Variants in DPYD observed in about 807,000 individuals in gnomAD.
DPYD encodes the protein dihydropyrimidine dehydrogenase [NADP(+)].
Under a neutral mutation model 116.2 loss-of-function variants are expected in DPYD, and 109 were observed. That is an observed-to-expected ratio of 0.94 (90% CI 0.80 to 1.10). DPYD has a LOEUF of 1.10. Ranked by LOEUF, DPYD falls within the 50% of genes least tolerant of loss-of-function variation. The pLI, the probability that DPYD is intolerant of heterozygous loss-of-function variation, is 0.00. For synonymous variants in DPYD, 440 were observed against 432.0 expected (o/e 1.02, Z -0.23); for missense variants, 1,302 against 1,254.5 (o/e 1.04, Z -0.57).
intron 2 of DPYD, 40 bp from the exon 3 acceptor site, chr1:97,828,236 C>G: frequency 6.3e-7 from 1 of 1,591,340 alleles, no homozygotes; most frequent in South Asian, 1.1e-5. Context: ...CTCTAAGATC[C>G]TGAGAAAAAT....
intron 20 of DPYD, among the ~76,000 whole-genome samples, chr1:97,171,709 T>C (rs548138205): frequency 1.3e-5 from 2 of 152,288 alleles, no homozygotes; most frequent in East Asian, 3.9e-4. Context: ...ATAACAACCA[T>C]TGAAGGTTTT....
intron 14 of DPYD, among the ~76,000 whole-genome samples, chr1:97,411,800 G>T (rs1213317817): frequency 6.6e-6 from 1 of 152,162 alleles, no homozygotes. Context: ...TTTTCAAAGT[G>T]ATTGGAACCT....
At chr1:97,765,245 A>C (rs1665785446) in intron 3 of DPYD, among the ~76,000 whole-genome samples, 1 of 152,202 alleles carries the variant, frequency 6.6e-6, no homozygotes. Flanking sequence ...GTTTTGGGGA[A>C]GGAAATGCTT....
In DPYD at chr1:97,480,263, AC is replaced by A. The variant is rs1405544438; in HGVS notation, c.1741-30041del. On this transcript the variant is annotated intron_variant, in intron 13 of 22. Coordinates refer to ENST00000370192, the MANE Select transcript of DPYD (RefSeq NM_000110.4). ...AACTGAGAAAAAAAAGAAATATGCC[AC>A]ATGGAGAGTGGCATAAAGTAATTTG... Among the ~76,000 whole-genome samples, 4 of 152,218 alleles carry A rather than the reference AC, an allele frequency of 2.6e-5. No homozygotes were observed. The East Asian group carries it at 7.7e-4, about 29-fold the overall frequency.
At chr1:97,451,279 C>G (rs1449751344) in intron 13 of DPYD, among the ~76,000 whole-genome samples, 1 of 152,084 alleles carries the variant, frequency 6.6e-6, no homozygotes, top group African/African-American at 2.4e-5. Context: ...TAGTGCTGAT[C>G]TGCATATGTT....
intron 3 of DPYD, among the ~76,000 whole-genome samples, chr1:97,804,124 T>C (rs1194392176): frequency 6.6e-6 from 1 of 151,788 alleles, no homozygotes; most frequent in Non-Finnish European, 1.5e-5. Context: ...GTTGTTATAT[T>C]AAACGTTATT....
intron 18 of DPYD, among the ~76,000 whole-genome samples, chr1:97,250,201 C>T (rs12137174): frequency 0.11 from 16,305 of 151,822 alleles, 1,126 homozygotes; most frequent in South Asian, 0.25. Context: ...ACATGGGAGA[C>T]GGAGGTTGCA....
chr1:97,260,110 T>C (rs186878696), intron 18 of DPYD, among the ~76,000 whole-genome samples: 5 of 152,262 alleles, frequency 3.3e-5, no homozygotes, highest in African/African-American at 9.6e-5. Flanking sequence ...CTTCTGAAGT[T>C]GGCAACATGT....
chr1:97,679,079 A>G lies in DPYD; in HGVS notation c.850+16T>C. 7.9e-7 allele frequency: 1 copy of G among 1,266,002 alleles called. No individual in the cohort carries two copies. The highest frequency in any genetic ancestry group is 1.1e-6 in the Non-Finnish European group (1 of 907,444). The allele number at this position is 1,266,002 out of a possible 1,614,324, so 78.4% of individuals were successfully genotyped here. A position where few individuals can be genotyped will look rare whatever the true frequency, so the allele number is the denominator to read the frequency against. On this transcript the variant is annotated intron_variant, in intron 8 of 22. Transcript: ENST00000370192. ...AATACATTATAAATAAATATATTTA[A>G]GAGTAAACTACTCACCTATTCCAAT...
chr1:97,120,027 G>C (rs1165508543), intron 20 of DPYD, among the ~76,000 whole-genome samples: 1 of 152,114 alleles, frequency 6.6e-6, no homozygotes, highest in African/African-American at 2.4e-5. Context: ...GGAGAGGCAG[G>C]GTTGGCTCCA....
chr1:97,392,990 A>T (rs1672797900), intron 14 of DPYD, among the ~76,000 whole-genome samples: 1 of 152,012 alleles, frequency 6.6e-6, no homozygotes, highest in Non-Finnish European at 1.5e-5. Context: ...CCAGACCACT[A>T]AAATGTTATC....
chr1:97,223,095 T>A (rs1013973936), intron 19 of DPYD, among the ~76,000 whole-genome samples: 7 of 152,108 alleles, frequency 4.6e-5, no homozygotes, highest in African/African-American at 1.7e-4. Flanking sequence ...TGCATCCATC[T>A]GCACTCAAGT....
intron 16 of DPYD, among the ~76,000 whole-genome samples, chr1:97,310,297 A>T (rs563183629): frequency 6.6e-6 from 1 of 151,886 alleles, no homozygotes; most frequent in Admixed American, 6.6e-5. Context: ...GGGGCCCAGA[A>T]GATCAATCTG....
Position 97,721,540 on chromosome 1 carries a change from A to G in DPYD, c.453T>C (p.Asn151=). 6.2e-7 allele frequency: 1 copy of G among 1,611,628 alleles called. No individual in the cohort carries two copies. Among genetic ancestry groups the G allele is most frequent in the Non-Finnish European group, 8.5e-7 (1 of 1,178,302 alleles). Reference sequence around the variant, plus strand: ...TAGCAAATTGCTGCAATCCACCAATATTAATGGGTCCCTCTTCAGTGGCAT... The same window carrying G: ...TAGCAAATTGCTGCAATCCACCAATGTTAATGGGTCCCTCTTCAGTGGCAT... ...NLYATEEGPI[N]IGGLQQFATE... Residue 151 remains asparagine, a synonymous_variant, in exon 5 of 23, where the codon AAT becomes AAC. Transcript: ENST00000370192.
intron 2 of DPYD, among the ~76,000 whole-genome samples, chr1:97,840,950 T>C (rs1303266572): frequency 1.3e-5 from 2 of 152,102 alleles, no homozygotes; most frequent in East Asian, 3.8e-4. Flanking sequence ...GAAGAAAGTG[T>C]AGGTGTAAGA....
At chr1:97,228,898 A>C (rs1258623293) in intron 19 of DPYD, among the ~76,000 whole-genome samples, 1 of 152,220 alleles carries the variant, frequency 6.6e-6, no homozygotes, top group East Asian at 1.9e-4. Flanking sequence ...AACTAACTGC[A>C]AGAAAGAATT....
chr1:97,112,463 A>G (rs1651668897), intron 20 of DPYD, among the ~76,000 whole-genome samples: 1 of 152,150 alleles, frequency 6.6e-6, no homozygotes, highest in Non-Finnish European at 1.5e-5. Flanking sequence ...GAATGAAAGC[A>G]AGACCATTCT....
intron 1 of DPYD, among the ~76,000 whole-genome samples, chr1:97,887,940 T>C (rs1300543845): frequency 6.6e-6 from 1 of 152,026 alleles, no homozygotes; most frequent in Non-Finnish European, 1.5e-5. Flanking sequence ...AAGGATGTGT[T>C]TGCTTCCCCT....
chr1:97,836,133 A>C (rs112619202), intron 2 of DPYD, among the ~76,000 whole-genome samples: 1 of 152,158 alleles, frequency 6.6e-6, no homozygotes, highest in African/African-American at 2.4e-5. Flanking sequence ...AGTGGTGTCT[A>C]AGCAAATGAG....
Sources: allele counts gnomAD v4.1 joint callset (sites outside exome capture counted in the v4.1 genomes callset), GRCh38; gene constraint gnomAD v4.1.1; transcripts MANE v1.5; gene names NCBI Gene and HGNC (gene_info 2026-07-23, HGNC 2026-07-21).